Variants in ZNF804B observed in about 807,000 individuals in gnomAD.
The protein encoded by ZNF804B is zinc finger protein 804B, also known as zinc finger 804B.
In ZNF804B, 80 loss-of-function variants were observed where a neutral mutation model predicts 101.4. The ratio of observed to expected loss-of-function variants is 0.79; its 90% CI spans 0.66 to 0.95. ZNF804B has a LOEUF of 0.95. Ranked by LOEUF, ZNF804B falls within the 40% of genes least tolerant of loss-of-function variation. The pLI, the probability that ZNF804B is intolerant of heterozygous loss-of-function variation, is 0.00. For synonymous variants in ZNF804B, 622 were observed against 558.8 expected (o/e 1.11, Z -1.59); for missense variants, 1,673 against 1,561.9 (o/e 1.07, Z -1.20).
intron 1 of ZNF804B, among the ~76,000 whole-genome samples, chr7:89,198,692 T>C (rs1296523221): frequency 6.6e-6 from 1 of 151,918 alleles, no homozygotes; most frequent in South Asian, 2.1e-4. Flanking sequence ...AATAACTGCT[T>C]TTTTATAAAG....
intron 1 of ZNF804B, among the ~76,000 whole-genome samples, chr7:88,953,612 T>G (rs1460552556): frequency 2.0e-5 from 3 of 151,772 alleles, no homozygotes; most frequent in Non-Finnish European, 2.9e-5. Context: ...CAATGCCTAA[T>G]AAGTAAATAC....
chr7:89,134,379 A>G lies in ZNF804B; in HGVS notation c.109-83776A>G, dbSNP rs118160319. On this transcript the variant is annotated intron_variant, in intron 1 of 3. Transcript: ENST00000333190. Reference sequence around the variant, plus strand: ...GAGCTGCTTTTTTCTGTTTTCTGCTATCTCAGTGAGGCCAACCCTAATCAA... The same window carrying G: ...GAGCTGCTTTTTTCTGTTTTCTGCTGTCTCAGTGAGGCCAACCCTAATCAA... Among the ~76,000 whole-genome samples the G allele has an allele frequency of 8.1e-3, 1,238 of 152,166 alleles. 14 individuals carry two copies. Among genetic ancestry groups the G allele is most frequent in the Admixed American group, 0.012 (188 of 15,248 alleles).
chr7:89,071,223 C>G (rs1353443662), intron 1 of ZNF804B, among the ~76,000 whole-genome samples: 1 of 151,848 alleles, frequency 6.6e-6, no homozygotes, highest in African/African-American at 2.4e-5. Flanking sequence ...GTTGGTTCAC[C>G]CCATGCATGT....
intron 1 of ZNF804B, among the ~76,000 whole-genome samples, chr7:89,140,205 G>C (rs1436178463): frequency 6.6e-6 from 1 of 151,918 alleles, no homozygotes; most frequent in Non-Finnish European, 1.5e-5. Flanking sequence ...ATAAAACCAT[G>C]CTGTAAAAAG....
chr7:88,981,127 T>C (rs1370720289), intron 1 of ZNF804B, among the ~76,000 whole-genome samples: 3 of 152,040 alleles, frequency 2.0e-5, no homozygotes, highest in Non-Finnish European at 4.4e-5. Flanking sequence ...GAAGCCAGCA[T>C]GGTGCTGGGT....
At chr7:88,963,833 TAAAC>T (rs1162748395) in intron 1 of ZNF804B, among the ~76,000 whole-genome samples, 6 of 150,882 alleles carry the variant, frequency 4.0e-5, no homozygotes, top group Admixed American at 2.7e-4. Context: ...AACAAACAAA[TAAAC>T]AAAAAAGTAA....
intron 2 of ZNF804B, among the ~76,000 whole-genome samples, chr7:89,276,575 A>G (rs1789984724): frequency 6.6e-6 from 1 of 151,928 alleles, no homozygotes; most frequent in African/African-American, 2.4e-5. Flanking sequence ...ATATTTTAAA[A>G]TGCTATTTTA....
intron 1 of ZNF804B, among the ~76,000 whole-genome samples, chr7:89,059,344 GC>G (rs1202764941): frequency 2.0e-5 from 3 of 152,160 alleles, no homozygotes; most frequent in Non-Finnish European, 2.9e-5. Flanking sequence ...AGGAAGTGTG[GC>G]GTGGGCCTCT....
At chr7:89,056,820 A>G (rs750821145) in intron 1 of ZNF804B, among the ~76,000 whole-genome samples, 2 of 152,150 alleles carry the variant, frequency 1.3e-5, no homozygotes, top group Non-Finnish European at 2.9e-5. Flanking sequence ...CAGCAAGTCA[A>G]TACACTAAGA....
chr7:88,923,552 A>G (rs530241768), intron 1 of ZNF804B, among the ~76,000 whole-genome samples: 1 of 152,254 alleles, frequency 6.6e-6, no homozygotes, highest in South Asian at 2.1e-4. Context: ...CCCTAGTTAT[A>G]TGATGCTGTA....
intron 1 of ZNF804B, among the ~76,000 whole-genome samples, chr7:88,978,022 A>T (rs1470398249): frequency 6.6e-6 from 1 of 151,498 alleles, no homozygotes; most frequent in Non-Finnish European, 1.5e-5. Flanking sequence ...TTTAATTTTC[A>T]TGTGTTTGTG....
chr7:89,179,401 T>TA (rs201281095), intron 1 of ZNF804B, among the ~76,000 whole-genome samples: 174 of 150,130 alleles, frequency 1.2e-3, no homozygotes, highest in East Asian at 0.01. Flanking sequence ...TTTCTTCTGT[T>TA]AAAAAAAAAA....
chr7:89,267,336 CTA>C (rs1324745541), intron 2 of ZNF804B, among the ~76,000 whole-genome samples: 2 of 152,046 alleles, frequency 1.3e-5, no homozygotes, highest in Non-Finnish European at 2.9e-5. Context: ...TGATATCAGC[CTA>C]TGTTATCAGG....
intron 1 of ZNF804B, among the ~76,000 whole-genome samples, chr7:89,022,699 G>C (rs1788686123): frequency 6.6e-6 from 1 of 152,140 alleles, no homozygotes; most frequent in Non-Finnish European, 1.5e-5. Flanking sequence ...ATAAGAGCAA[G>C]ATATCACAGA....
chr7:89,206,285 C>G (rs75820357), intron 1 of ZNF804B, among the ~76,000 whole-genome samples: 1,671 of 152,284 alleles, frequency 0.011, 45 homozygotes, highest in East Asian at 0.095. Context: ...TGGCGATTAA[C>G]ATTTTGCATC....
At position 89,141,824 on chromosome 7, in the gene ZNF804B, A is replaced by C. The variant is rs149919646; in HGVS notation, c.109-76331A>C. ...TTTTTCTAGGAATTTTGACCACAGC[A>C]ATATCTAGGAGGGGACTTCCAAAAG... On this transcript the variant is annotated intron_variant, in intron 1 of 3. Transcript: ENST00000333190. 8.9e-3 allele frequency among the ~76,000 whole-genome samples: 1,355 copies of C among 151,726 alleles called. 22 individuals carry two copies. Among genetic ancestry groups the C allele is most frequent in the African/African-American group, 0.031 (1,265 of 41,438 alleles).
intron 1 of ZNF804B, among the ~76,000 whole-genome samples, chr7:88,883,747 C>T (rs1792078305): frequency 6.6e-6 from 1 of 151,974 alleles, no homozygotes; most frequent in Non-Finnish European, 1.5e-5. Flanking sequence ...AATCATGAGG[C>T]AATTCCGATT....
chr7:88,811,418 A>C (rs1214164624), intron 1 of ZNF804B, among the ~76,000 whole-genome samples: 1 of 152,200 alleles, frequency 6.6e-6, no homozygotes, highest in Non-Finnish European at 1.5e-5. Flanking sequence ...TAGTTCAGCT[A>C]TTGTGGAAGG....
chr7:88,956,591 A>C (rs1793313166), intron 1 of ZNF804B, among the ~76,000 whole-genome samples: 1 of 151,410 alleles, frequency 6.6e-6, no homozygotes, highest in African/African-American at 2.4e-5. Flanking sequence ...TGCCATCTAA[A>C]CTTTTAATTT....
Sources: allele counts gnomAD v4.1 joint callset (sites outside exome capture counted in the v4.1 genomes callset), GRCh38; gene constraint gnomAD v4.1.1; transcripts MANE v1.5; gene names NCBI Gene and HGNC (gene_info 2026-07-23, HGNC 2026-07-21).